The following ASIC2 variants were observed in gnomAD, a reference collection of about 807,000 sequenced individuals.
The protein encoded by ASIC2 is acid sensing ion channel subunit 2, also known as acid-sensing ion channel 2.
A neutral mutation model predicts 57.3 loss-of-function variants in ASIC2; 25 were observed. That is an observed-to-expected ratio of 0.44 (90% CI 0.32 to 0.61). ASIC2 has a LOEUF of 0.61. Ranked by LOEUF, ASIC2 falls within the 20% of genes least tolerant of loss-of-function variation. The probability of loss-of-function intolerance (pLI) is 0.06; values close to 1 mark genes in which losing one functional copy is unlikely to be tolerated. For missense variants in ASIC2, 641 were observed against 738.1 expected (o/e 0.87, Z 1.52); for synonymous variants, 319 against 307.5 (o/e 1.04, Z -0.39).
At chr17:34,058,736 G>A (rs1394790235) in intron 1 of ASIC2, among the ~76,000 whole-genome samples, 1 of 152,174 alleles carries the variant, frequency 6.6e-6, no homozygotes, top group Non-Finnish European at 1.5e-5. Flanking sequence ...ACTTAAGATA[G>A]GAGGGGAGGG....
At chr17:34,154,088 T>G (rs886193882) in intron 1 of ASIC2, among the ~76,000 whole-genome samples, 2 of 152,222 alleles carry the variant, frequency 1.3e-5, no homozygotes, top group African/African-American at 4.8e-5. Context: ...CAGAGTCTGC[T>G]ACTTATTACA....
chr17:34,083,784 A>G (rs1210402268), intron 1 of ASIC2, among the ~76,000 whole-genome samples: 3 of 152,142 alleles, frequency 2.0e-5, no homozygotes, highest in African/African-American at 7.2e-5. Context: ...GATGGTGAGC[A>G]TTTTTTCATG....
rs574674541 is a variant in ASIC2 at position 33,288,121 on chromosome 17, G to A, written c.708+3287C>T. The stretch of plus-strand genomic sequence containing the variant: ...ATATGATTCCTACTCTGGTCTGGAG[G>A]GGGAGACAGGCACAGTCTAACAGGT... On this transcript the variant is annotated intron_variant, in intron 1 of 9. Coordinates refer to ENST00000225823, the MANE Select transcript of ASIC2 (RefSeq NM_183377.2). Among the ~76,000 whole-genome samples, 3 of 152,254 alleles carry A rather than the reference G, an allele frequency of 2.0e-5. No individual in the cohort carries two copies. The South Asian group carries it at 6.2e-4, about 32-fold the overall frequency.
At chr17:34,039,265 A>G in intron 1 of ASIC2, 1 of 1,613,854 alleles carries the variant, frequency 6.2e-7, no homozygotes, top group Non-Finnish European at 8.5e-7. Flanking sequence ...TCTGTGCTGG[A>G]TGGAGATCTG....
chr17:33,244,418 C>A (rs1437044832), intron 1 of ASIC2, among the ~76,000 whole-genome samples: 1 of 152,210 alleles, frequency 6.6e-6, no homozygotes, highest in African/African-American at 2.4e-5. Context: ...TCGAATTAAT[C>A]AGATCACTGT....
At chr17:33,402,470 A>G (rs796974989) in intron 1 of ASIC2, among the ~76,000 whole-genome samples, 6 of 152,136 alleles carry the variant, frequency 3.9e-5, no homozygotes, top group African/African-American at 1.4e-4. Flanking sequence ...CCTAGTGTGT[A>G]TTGTTCCCCT....
At chr17:33,314,880 T>G (rs1284708502) in intron 1 of ASIC2, among the ~76,000 whole-genome samples, 1 of 152,200 alleles carries the variant, frequency 6.6e-6, no homozygotes, top group African/African-American at 2.4e-5. Flanking sequence ...TTCTTCTTCT[T>G]TTAATTAATT....
At position 33,492,435 on chromosome 17, in the gene ASIC2, C is replaced by T. The variant is rs556740984; in HGVS notation, c.556-380368G>A. 5.9e-5 allele frequency among the ~76,000 whole-genome samples: 9 copies of T among 152,280 alleles called. No homozygotes were observed. The South Asian group carries it at 8.3e-4, about 14-fold the overall frequency. On this transcript the variant is annotated intron_variant, in intron 1 of 9. Transcript: ENST00000359872. ...TGAAGATTCTAAGAGGAAGTGTGTA[C>T]GAAGTCAGCATAGGTTTTCTTCAGT...
At chr17:33,752,961 C>T (rs1019725486) in intron 1 of ASIC2, among the ~76,000 whole-genome samples, 1 of 152,180 alleles carries the variant, frequency 6.6e-6, no homozygotes, top group Non-Finnish European at 1.5e-5. Context: ...TTTCCCCAAA[C>T]AAGTTAAAAA....
intron 1 of ASIC2, among the ~76,000 whole-genome samples, chr17:33,402,923 G>A (rs1024958870): frequency 2.0e-5 from 3 of 152,146 alleles, no homozygotes; most frequent in Admixed American, 6.5e-5. Flanking sequence ...ACCATCTCAT[G>A]CCAGTCAGAA....
chr17:33,616,649 T>C (rs1905613515), intron 1 of ASIC2, among the ~76,000 whole-genome samples: 1 of 150,510 alleles, frequency 6.6e-6, no homozygotes, highest in African/African-American at 2.5e-5. Context: ...ATACCCAGTA[T>C]CATCTCGCTT....
intron 1 of ASIC2, among the ~76,000 whole-genome samples, chr17:33,550,211 T>C (rs772418582): frequency 2.6e-5 from 4 of 152,176 alleles, no homozygotes; most frequent in Non-Finnish European, 5.9e-5. Context: ...GAATATATTG[T>C]AGAAATAGTT....
At chr17:33,794,654 A>G (rs530312960) in intron 1 of ASIC2, 9 of 152,292 alleles carry the variant, frequency 5.9e-5, no homozygotes, top group South Asian at 4.1e-4. Flanking sequence ...GAAAAATGAC[A>G]TCTTCCAGGT....
At chr17:33,531,242 G>T (rs1915041399) in intron 1 of ASIC2, among the ~76,000 whole-genome samples, 1 of 152,212 alleles carries the variant, frequency 6.6e-6, no homozygotes, top group African/African-American at 2.4e-5. Context: ...GGCAGAACCA[G>T]GTGCCACCAA....
intron 1 of ASIC2, among the ~76,000 whole-genome samples, chr17:33,201,656 G>A (rs1201203709): frequency 6.6e-6 from 1 of 152,130 alleles, no homozygotes; most frequent in South Asian, 2.1e-4. Context: ...TCTACTCTGG[G>A]CACACTGCCT....
intron 1 of ASIC2, among the ~76,000 whole-genome samples, chr17:33,481,611 T>A (rs1296142955): frequency 6.6e-6 from 1 of 152,102 alleles, no homozygotes; most frequent in Non-Finnish European, 1.5e-5. Context: ...AAATAGTCGT[T>A]GAATAATTTC....
chr17:33,297,490 T>C (rs533589968), upstream of ASIC2, among the ~76,000 whole-genome samples: 2 of 152,266 alleles, frequency 1.3e-5, no homozygotes, highest in South Asian at 4.1e-4. Context: ...CTTTTAGGGC[T>C]GTTATGCAAA....
At chr17:33,360,175 C>T (rs1224525332) in intron 1 of ASIC2, among the ~76,000 whole-genome samples, 2 of 152,136 alleles carry the variant, frequency 1.3e-5, no homozygotes, top group Non-Finnish European at 2.9e-5. Context: ...ATAGCCAGCA[C>T]TTCAAACTTG....
At chr17:33,342,623 T>A (rs1907768529) in intron 1 of ASIC2, among the ~76,000 whole-genome samples, 1 of 152,150 alleles carries the variant, frequency 6.6e-6, no homozygotes, top group Admixed American at 6.5e-5. Context: ...ATGACACGAC[T>A]GATTATTAAC....
Sources: gnomAD v4.1 joint callset for allele counts (sites outside exome capture counted in the v4.1 genomes callset) on GRCh38, gnomAD v4.1.1 for gene constraint, MANE v1.5 for transcripts, NCBI Gene and HGNC (gene_info 2026-07-23, HGNC 2026-07-21) for gene names.